TATDN3: variants seen among roughly 807,000 people sequenced by gnomAD.
The protein encoded by TATDN3 is TatD DNase domain containing 3.
Under a neutral mutation model 40.1 loss-of-function variants are expected in TATDN3, and 29 were observed. That is an observed-to-expected ratio of 0.72 (90% CI 0.54 to 0.99). TATDN3 has a LOEUF of 0.99. Ranked by LOEUF, TATDN3 falls within the 50% of genes least tolerant of loss-of-function variation. TATDN3 has a pLI of 0.00. For missense variants in TATDN3, 309 were observed against 321.9 expected, an observed-to-expected ratio of 0.96 and a Z score of 0.31; for synonymous variants, 105 against 117.0, an observed-to-expected ratio of 0.90 and a Z score of 0.66.
chr1:212,812,449 G>A (rs767108803), intron 9 of TATDN3, 121 bp downstream of exon 9: 2 of 589,868 alleles, frequency 3.4e-6, no homozygotes, highest in Admixed American at 7.5e-5. Context: ...CTGCCAGATT[G>A]AGGGCTTATA....
chr1:212,792,037 T>C lies in TATDN3; in HGVS notation c.66+50T>C, dbSNP rs1206765181. On this transcript the variant is annotated intron_variant, in intron 1 of 9. Transcript: ENST00000366974. The stretch of plus-strand genomic sequence containing the variant: ...GAGGGAGCAGGGAGGCCCCCGTCCT[T>C]TCCCCTCGTGTTATCTTTGCTCTCC... 4 of 1,581,826 alleles carry C rather than the reference T, an allele frequency of 2.5e-6. No homozygotes were observed. The African/African-American group carries it at 5.4e-5, about 21-fold the overall frequency.
rs375778534 is a variant in TATDN3 at position 212,796,944 on chromosome 1, C to G, written c.174-168C>G. The G allele has an allele frequency of 8.8e-5, 49 of 554,880 alleles. No individual in the cohort carries two copies. The East Asian group carries it at 9.4e-4, about 11-fold the overall frequency. The allele number at this position is 554,880 out of a possible 1,614,324, so 34.4% of individuals were successfully genotyped here. On this transcript the variant is annotated intron_variant, in intron 3 of 9. Transcript: ENST00000366974. ...AGATACAGGATTTCACCATGTTGGC[C>G]AGGCTGGTCTCAAACTCCTGGCCTT...
Position 212,792,628 on chromosome 1 carries a change from G to C in TATDN3, c.66+641G>C, listed in dbSNP as rs1661410562. ...CCAGCCTGGGTAACAGTGAGACCCT[G>C]TCTCAAAAAAAAAAAAAAAAAAAAA... On this transcript the variant is annotated intron_variant, in intron 1 of 9. Transcript: ENST00000366974. 2.6e-5 allele frequency among the ~76,000 whole-genome samples: 2 copies of C among 76,932 alleles called. 1 individual carries two copies. Among genetic ancestry groups the C allele is most frequent in the African/African-American group, 1.5e-4 (2 of 13,124 alleles). The allele number at this position is 76,932 out of a possible 152,430, so 50.5% of individuals were successfully genotyped here.
rs948097848 is a variant in TATDN3, at chr1:212,816,726, G to A, written c.*1570G>A. ...CCAAACCAGACTAAGAAACTGAATA[G>A]GGTATTTTATGAGGTATTTAATGAC... On this transcript the variant is annotated 3_prime_UTR_variant, in exon 10 of 10. Coordinates refer to ENST00000366974, the MANE Select transcript of TATDN3 (RefSeq NM_001042552.3). The A allele has an allele frequency of 1.1e-4, 16 of 152,162 alleles. No homozygotes were observed. Among genetic ancestry groups the A allele is most frequent in the Admixed American group, 1.0e-3 (16 of 15,266 alleles). The allele number at this position is 152,162 out of a possible 1,614,324, so 9.4% of individuals were successfully genotyped here. A position where few individuals can be genotyped will look rare whatever the true frequency, so the allele number is the denominator to read the frequency against.
chr1:212,794,694 A>G (rs1661615956), intron 1 of TATDN3: 3 of 460,824 alleles, frequency 6.5e-6, no homozygotes, highest in Non-Finnish European at 8.7e-6. Flanking sequence ...GATGTTCTTG[A>G]AGTCTGAAAG....
chr1:212,793,024 C>G (rs977022023), intron 1 of TATDN3: 1 of 152,050 alleles, frequency 6.6e-6, no homozygotes, highest in East Asian at 1.9e-4. Context: ...TTGCAGGCCC[C>G]CAGACAAGCT....
chr1:212,799,539 CTTT>C (rs1181062032), intron 4 of TATDN3, among the ~76,000 whole-genome samples: 6 of 138,246 alleles, frequency 4.3e-5, no homozygotes, highest in Admixed American at 7.3e-5. Flanking sequence ...ATAGGTACTT[CTTT>C]TTTTTTTTTT....
chr1:212,804,931 A>C (rs1375619171), intron 7 of TATDN3, among the ~76,000 whole-genome samples: 1 of 152,208 alleles, frequency 6.6e-6, no homozygotes, highest in African/African-American at 2.4e-5. Context: ...AAAACAAAAC[A>C]AAACAAAATT....
intron 5 of TATDN3, among the ~76,000 whole-genome samples, chr1:212,804,087 G>T (rs1023340129): frequency 6.6e-6 from 1 of 151,870 alleles, no homozygotes; most frequent in Non-Finnish European, 1.5e-5. Context: ...ATTTTATATT[G>T]GCTACATGTT....
At chr1:212,812,773 C>T (rs1428715078) in intron 9 of TATDN3, among the ~76,000 whole-genome samples, 4 of 152,138 alleles carry the variant, frequency 2.6e-5, no homozygotes, top group African/African-American at 9.7e-5. Flanking sequence ...GAGGCCAAGG[C>T]GGGCAGATCA....
chr1:212,804,483 C>G (rs1662342657), intron 6 of TATDN3, 54 bp downstream of exon 6: 6 of 1,550,176 alleles, frequency 3.9e-6, no homozygotes, highest in Non-Finnish European at 5.3e-6. Context: ...AAATAATGAT[C>G]AGAGTTCTCC....
At position 212,816,237 on chromosome 1, in the gene TATDN3, A is replaced by C. The variant is rs1277419659; in HGVS notation, c.*1081A>C. ...CATTCACCTGTAGTGCCAACCACTC[A>C]GGAGGCTGAGATGGGAGACCTTTTA... On this transcript the variant is annotated 3_prime_UTR_variant, in exon 10 of 10. Coordinates refer to ENST00000366974, the MANE Select transcript of TATDN3 (RefSeq NM_001042552.3). 6.6e-6 allele frequency: 1 copy of C among 152,222 alleles called. No individual in the cohort carries two copies. Among genetic ancestry groups the C allele is most frequent in the African/African-American group, 2.4e-5 (1 of 41,456 alleles). 9.4% of individuals were successfully genotyped at this position (152,222 alleles called of 1,614,324 possible). A position where few individuals can be genotyped will look rare whatever the true frequency, so the allele number is the denominator to read the frequency against.
chr1:212,799,518 C>T (rs1386007959), intron 4 of TATDN3, among the ~76,000 whole-genome samples: 1 of 151,754 alleles, frequency 6.6e-6, no homozygotes, highest in African/African-American at 2.4e-5. Context: ...AATTAATATG[C>T]CAACAGTATG....
chr1:212,810,984 A>C (rs1022706729), intron 8 of TATDN3, among the ~76,000 whole-genome samples: 14 of 152,056 alleles, frequency 9.2e-5, no homozygotes, highest in Non-Finnish European at 1.8e-4. Flanking sequence ...AGCATTTATC[A>C]ATTGAATTGT....
chr1:212,795,390 C>G (rs1245529210), intron 2 of TATDN3, among the ~76,000 whole-genome samples: 2 of 151,900 alleles, frequency 1.3e-5, no homozygotes, highest in East Asian at 1.9e-4. Flanking sequence ...CCTGCCTCAG[C>G]CTCCTGAGTA....
intron 3 of TATDN3, 75 bp downstream of exon 3, chr1:212,796,665 G>T: frequency 1.9e-6 from 2 of 1,055,482 alleles, no homozygotes; most frequent in Non-Finnish European, 2.7e-6. Flanking sequence ...TAATATCAAA[G>T]ATCCATTTTT....
In TATDN3 at chr1:212,795,262, TTTTATTTA is replaced by T. The variant is rs143072334; in HGVS notation, c.99+154_99+161del. 2.9e-3 allele frequency: 864 copies of T among 299,888 alleles called. 16 individuals carry two copies. The highest frequency in any genetic ancestry group is 0.018 in the African/African-American group (802 of 43,542). 18.6% of individuals were successfully genotyped at this position (299,888 alleles called of 1,614,324 possible). ...TAAGTAGCATTTTTTATTTTTATTA[TTTTATTTA>T]TTTATTTATTTATTTATTGAGACAG... is the stretch of plus-strand genomic sequence containing the variant. On this transcript the variant is annotated intron_variant, in intron 2 of 9. Transcript: ENST00000366974.
chr1:212,804,575 AATGTTGTT>A lies in TATDN3; in HGVS notation c.432-18_432-11del, dbSNP rs746496957. ...TACTTTCAGAATGGTACTTAAAAGA[AATGTTGTT>A]ATCGTTAAACAGAAATGTGCACTCA... is the stretch of plus-strand genomic sequence containing the variant. On this transcript the variant is annotated splice_polypyrimidine_tract_variant and intron_variant, in intron 6 of 9. Coordinates refer to ENST00000366974, the MANE Select transcript of TATDN3 (RefSeq NM_001042552.3). 2.5e-6 allele frequency: 4 copies of A among 1,609,556 alleles called. No homozygotes were observed. The highest frequency in any genetic ancestry group is 1.3e-5 in the African/African-American group (1 of 74,706).
At chr1:212,812,864 G>A (rs1483636383) in intron 9 of TATDN3, among the ~76,000 whole-genome samples, 2 of 152,036 alleles carry the variant, frequency 1.3e-5, no homozygotes, top group Non-Finnish European at 2.9e-5. Flanking sequence ...AATTAGCTGG[G>A]CGTGGTGGCA....
Sources: gnomAD v4.1 joint callset for allele counts (sites outside exome capture counted in the v4.1 genomes callset) on GRCh38, gnomAD v4.1.1 for gene constraint, MANE v1.5 for transcripts, NCBI Gene and HGNC (gene_info 2026-07-23, HGNC 2026-07-21) for gene names.